Variants in PPL observed in about 807,000 individuals in gnomAD.
PPL encodes 190 kDa paraneoplastic pemphigus antigen.
In PPL, 198 loss-of-function variants were observed where a neutral mutation model predicts 194.4. The ratio of observed to expected loss-of-function variants is 1.02; its 90% CI spans 0.91 to 1.15. PPL has a LOEUF of 1.15. Among genes scored for constraint, PPL ranks in the 50% most tolerant of loss-of-function variants. PPL has a pLI of 0.00. For synonymous variants in PPL, 1,220 were observed against 972.4 expected (o/e 1.25, Z -4.74); for missense variants, 2,885 against 2,294.8 (o/e 1.26, Z -5.25).
At chr16:4,890,088 C>T (rs2088290460) in intron 18 of PPL, 96 bp downstream of exon 18, 2 of 1,577,054 alleles carry the variant, frequency 1.3e-6, no homozygotes, top group Non-Finnish European at 1.7e-6. Flanking sequence ...TGCCCTGCTC[C>T]ACCTCCCAAA....
In PPL at chr16:4,900,809, T is replaced by C. The variant is rs201864875; in HGVS notation, c.606+21A>G. 5 of 1,614,072 alleles carry C rather than the reference T, an allele frequency of 3.1e-6. No homozygotes were observed. The East Asian group carries it at 8.9e-5, about 29-fold the overall frequency. On this transcript the variant is annotated intron_variant, in intron 6 of 21. Coordinates refer to ENST00000345988, the MANE Select transcript of PPL (RefSeq NM_002705.5). ...ATCCTCTCCTCTCCCCATGAGGCCTTTCCCCCAGGGAGCTCCTCACCAGCA... is the reference window on the plus strand; with the variant it reads ...ATCCTCTCCTCTCCCCATGAGGCCTCTCCCCCAGGGAGCTCCTCACCAGCA...
intron 6 of PPL, 53 bp downstream of exon 6, chr16:4,900,777 G>A: frequency 6.2e-7 from 1 of 1,611,134 alleles, no homozygotes; most frequent in Non-Finnish European, 8.5e-7. Flanking sequence ...CCGACTCCAA[G>A]CTTCCCATCC....
chr16:4,911,094 C>T (rs2088811509), intron 1 of PPL, 145 bp from the exon 2 acceptor site: 2 of 622,064 alleles, frequency 3.2e-6, no homozygotes, highest in Non-Finnish European at 5.7e-6. Context: ...TTGGGCTGTT[C>T]CCATAGGGCA....
At chr16:4,899,141 G>A in intron 7 of PPL, 21 bp from the exon 8 acceptor site, 1 of 1,613,576 alleles carries the variant, frequency 6.2e-7, no homozygotes, top group Non-Finnish European at 8.5e-7. Flanking sequence ...GGGCAGTGGA[G>A]GGGCCTCAGT....
chr16:4,934,064 G>T (rs1272965726), intron 1 of PPL, among the ~76,000 whole-genome samples: 1 of 152,244 alleles, frequency 6.6e-6, no homozygotes, highest in African/African-American at 2.4e-5. Flanking sequence ...GCTCCTCTGA[G>T]GTCGCACAGC....
chr16:4,888,554 A>G (rs112923990), intron 19 of PPL, among the ~76,000 whole-genome samples: 1 of 151,278 alleles, frequency 6.6e-6, no homozygotes, highest in African/African-American at 2.4e-5. Flanking sequence ...CCTTGCCACC[A>G]CCTCTTCTCA....
At chr16:4,911,075 T>C (rs1183515742) in intron 1 of PPL, 126 bp from the exon 2 acceptor site, 1 of 704,972 alleles carries the variant, frequency 1.4e-6, no homozygotes. Flanking sequence ...CACAGAGCCT[T>C]TGAGGTAGTT....
intron 9 of PPL, among the ~76,000 whole-genome samples, chr16:4,896,634 G>A (rs371974780): frequency 0.018 from 2,661 of 149,730 alleles, 84 homozygotes; most frequent in African/African-American, 0.063. Context: ...AATGAGTACG[G>A]GGTTGTTTTT....
rs190112445 is a variant in PPL at position 4,891,704 on chromosome 16, G to C, written c.1968+107C>G. 233 of 1,412,248 alleles carry C rather than the reference G, an allele frequency of 1.6e-4. 2 individuals carry two copies. Among genetic ancestry groups the C allele is most frequent in the Non-Finnish European group, 1.0e-4 (108 of 1,056,858 alleles). The allele number at this position is 1,412,248 out of a possible 1,614,324, so 87.5% of individuals were successfully genotyped here. A position where few individuals can be genotyped will look rare whatever the true frequency, so the allele number is the denominator to read the frequency against. On this transcript the variant is annotated intron_variant, in intron 16 of 21. Transcript: ENST00000345988. ...TCCCAATTTGGGCATTCCAAACCTG[G>C]GGAGACTGGATGCTGGTGTCCTCAT...
chr16:4,896,639 G>GTTTTTTT (rs1387761941), intron 9 of PPL, among the ~76,000 whole-genome samples: 3 of 129,716 alleles, frequency 2.3e-5, no homozygotes, highest in African/African-American at 5.8e-5. Flanking sequence ...GTACGGGGTT[G>GTTTTTTT]TTTTTTTTTT....
At chr16:4,928,786 G>T (rs1406368540) in intron 1 of PPL, among the ~76,000 whole-genome samples, 1 of 152,082 alleles carries the variant, frequency 6.6e-6, no homozygotes, top group Non-Finnish European at 1.5e-5. Context: ...CGAGGCAGGT[G>T]GATCACCTGA....
At chr16:4,931,193 A>G (rs2089221144) in intron 1 of PPL, among the ~76,000 whole-genome samples, 2 of 152,210 alleles carry the variant, frequency 1.3e-5, no homozygotes, top group Middle Eastern at 3.4e-3. Context: ...GTGAGACCCC[A>G]TCTCTACAAA....
chr16:4,893,672 A>T, intron 12 of PPL, 34 bp from the exon 13 acceptor site: 1 of 1,530,464 alleles, frequency 6.5e-7, no homozygotes, highest in Non-Finnish European at 8.8e-7. Context: ...GAACCTGGGC[A>T]GCCCACCACC....
intron 1 of PPL, among the ~76,000 whole-genome samples, chr16:4,915,079 T>C (rs1008922634): frequency 2.0e-5 from 3 of 152,210 alleles, no homozygotes; most frequent in African/African-American, 7.2e-5. Context: ...CAGTCCCACC[T>C]CAGGCACAGG....
intron 1 of PPL, among the ~76,000 whole-genome samples, chr16:4,918,474 A>G (rs992275038): frequency 1.3e-5 from 2 of 152,180 alleles, no homozygotes; most frequent in Non-Finnish European, 2.9e-5. Flanking sequence ...ACTGCGAAGC[A>G]AGTCACATAT....
intron 19 of PPL, 115 bp downstream of exon 19, chr16:4,888,863 G>T (rs894681316): frequency 3.0e-6 from 3 of 1,010,658 alleles, no homozygotes; most frequent in Admixed American, 3.5e-5. Flanking sequence ...GCAGTGCCTC[G>T]GATGGCCAGC....
At chr16:4,930,475 T>C (rs1266092691) in intron 1 of PPL, among the ~76,000 whole-genome samples, 1 of 152,188 alleles carries the variant, frequency 6.6e-6, no homozygotes, top group Non-Finnish European at 1.5e-5. Flanking sequence ...CAGGGCAATG[T>C]ATGCTCTCTT....
intron 21 of PPL, 114 bp from the exon 22 acceptor site, chr16:4,886,161 C>T (rs1002389922): frequency 8.5e-6 from 11 of 1,286,996 alleles, no homozygotes; most frequent in Middle Eastern, 2.1e-4. Flanking sequence ...TCCCTCAGTG[C>T]CAGTTCATGT....
intron 1 of PPL, among the ~76,000 whole-genome samples, chr16:4,924,379 G>C (rs1001341906): frequency 1.2e-4 from 18 of 152,222 alleles, no homozygotes; most frequent in African/African-American, 4.3e-4. Flanking sequence ...TTACTGAATA[G>C]GACTGCGAGA....
Sources: allele counts gnomAD v4.1 joint callset (sites outside exome capture counted in the v4.1 genomes callset), GRCh38; gene constraint gnomAD v4.1.1; transcripts MANE v1.5; gene names NCBI Gene and HGNC (gene_info 2026-07-23, HGNC 2026-07-21).